The following COBL variants were observed in gnomAD, a reference collection of about 807,000 sequenced individuals.
COBL encodes protein cordon-bleu.
A neutral mutation model predicts 98.8 loss-of-function variants in COBL; 51 were observed. That is an observed-to-expected ratio of 0.52 (90% CI 0.41 to 0.65). The LOEUF is 0.65. Ranked by LOEUF, COBL falls within the 30% of genes least tolerant of loss-of-function variation. The pLI is 0.00. For synonymous variants in COBL, 634 were observed against 651.7 expected, an observed-to-expected ratio of 0.97 and a Z score of 0.41; for missense variants, 1,617 against 1,617.5, an observed-to-expected ratio of 1.00 and a Z score of 0.01.
chr7:51,100,767 G>T (rs898410246), intron 6 of COBL, among the ~76,000 whole-genome samples: 11 of 152,202 alleles, frequency 7.2e-5, no homozygotes, highest in Non-Finnish European at 1.5e-4. Context: ...TCAGGGCATG[G>T]TGGCCCACAC....
intron 1 of COBL, among the ~76,000 whole-genome samples, chr7:51,312,849 A>T (rs1031346017): frequency 6.6e-6 from 1 of 152,230 alleles, no homozygotes; most frequent in African/African-American, 2.4e-5. Flanking sequence ...CCTTTGTAAC[A>T]AATTTTAATC....
At chr7:51,092,175 A>T (rs926017283) in intron 6 of COBL, among the ~76,000 whole-genome samples, 1 of 152,182 alleles carries the variant, frequency 6.6e-6, no homozygotes, top group Non-Finnish European at 1.5e-5. Flanking sequence ...ATGGGAATCT[A>T]ATGTCTGATG....
chr7:51,123,085 C>G (rs1797891993), intron 6 of COBL, among the ~76,000 whole-genome samples: 1 of 152,092 alleles, frequency 6.6e-6, no homozygotes, highest in Non-Finnish European at 1.5e-5. Context: ...TATTTGTTGT[C>G]CCTATCAAGA....
At position 51,171,137 on chromosome 7, in the gene COBL, C is replaced by A. The variant is rs142844688; in HGVS notation, c.783+12965G>T. Among the ~76,000 whole-genome samples, 621 of 152,132 alleles carry A rather than the reference C, an allele frequency of 4.1e-3. 3 individuals are homozygous for A. Among genetic ancestry groups the A allele is most frequent in the Non-Finnish European group, 7.1e-3 (481 of 67,964 alleles). ...AAAAGAGTGCCTATGAGCAAAAGAGCCTTAAGTATAATTGTCATTTTATAA... is the reference window on the plus strand; with the variant it reads ...AAAAGAGTGCCTATGAGCAAAAGAGACTTAAGTATAATTGTCATTTTATAA... On this transcript the variant is annotated intron_variant, in intron 5 of 12. Coordinates refer to ENST00000265136, the MANE Select transcript of COBL (RefSeq NM_015198.5).
chr7:51,135,814 G>C (rs1300883382), intron 6 of COBL, among the ~76,000 whole-genome samples: 2 of 152,216 alleles, frequency 1.3e-5, no homozygotes, highest in Non-Finnish European at 2.9e-5. Flanking sequence ...TCCACAGGAA[G>C]CTGGGATGCA....
intron 1 of COBL, among the ~76,000 whole-genome samples, chr7:51,305,006 C>T (rs185967280): frequency 1.5e-4 from 23 of 152,232 alleles, no homozygotes; most frequent in African/African-American, 5.1e-4. Context: ...CAGAGCATAG[C>T]CCCCGCCCCT....
Position 51,316,758 on chromosome 7 carries a change from G to GGCGGAGGACAGCGGCGGAGC in COBL, c.-145_-126dup. The GGCGGAGGACAGCGGCGGAGC allele has an allele frequency of 1.3e-6, 1 of 758,860 alleles. No individual in the cohort carries two copies. The allele number at this position is 758,860 out of a possible 1,614,324, so 47.0% of individuals were successfully genotyped here. On this transcript the variant is annotated 5_prime_UTR_variant, in exon 1 of 13. Transcript: ENST00000265136. Reference sequence around the variant, plus strand: ...GACCCATCGTCCTCCCACGCGGGCCGGCGGAGGACAGCGGCGGAGCGCGGC... The same window carrying GGCGGAGGACAGCGGCGGAGC: ...GACCCATCGTCCTCCCACGCGGGCCGGCGGAGGACAGCGGCGGAGCGCGGAGGACAGCGGCGGAGCGCGGC...
intron 1 of COBL, among the ~76,000 whole-genome samples, chr7:51,236,048 A>T (rs77832433): frequency 3.9e-5 from 6 of 152,326 alleles, no homozygotes; most frequent in Non-Finnish European, 8.8e-5. Flanking sequence ...TTACGTAAGC[A>T]GGGGCCTGGG....
Position 51,043,531 on chromosome 7 carries a change from C to A in COBL, c.1258G>T (p.Asp420Tyr). 2 of 1,614,206 alleles carry A rather than the reference C, an allele frequency of 1.2e-6. No homozygotes were observed. Among genetic ancestry groups the A allele is most frequent in the Non-Finnish European group, 1.7e-6 (2 of 1,180,034 alleles). ...TATTTCATGCTGTCCTGCTGCGAGT[C>A]CAGAGAGACGATGTCTGAGGGGGAA... ...MSSPSDIVSL[D>Y]SQQDSMKYKD... The change falls in exon 8 of 13, where the codon GAC becomes TAC. Residue 420 changes from aspartate to tyrosine, a missense_variant. Asp to Tyr is a radical substitution (Grantham distance 160). This residue lies in a region of COBL where 1,304 missense variants were observed against 1,282.0 expected (regional missense o/e 1.02). Transcript: ENST00000265136.
rs902076360 is a variant in COBL at position 51,189,315 on chromosome 7, T to C, written c.685+1535A>G. Among the ~76,000 whole-genome samples, 7 of 152,164 alleles carry C rather than the reference T, an allele frequency of 4.6e-5. No homozygotes were observed. The East Asian group carries it at 7.7e-4, about 17-fold the overall frequency. On this transcript the variant is annotated intron_variant, in intron 4 of 12. Coordinates refer to ENST00000265136, the MANE Select transcript of COBL (RefSeq NM_015198.5). ...CTGGACAGAGATTCCACTATGATCA[T>C]GGATTTCACAATAAACTTGGTATTA... is the stretch of plus-strand genomic sequence containing the variant.
intron 5 of COBL, 42 bp from the exon 6 acceptor site, chr7:51,136,373 A>T: frequency 6.3e-7 from 1 of 1,576,306 alleles, no homozygotes; most frequent in Non-Finnish European, 8.6e-7. Flanking sequence ...TCAGTATGAG[A>T]TGACTTCTCC....
At chr7:51,024,488 CT>C (rs1008390993) in intron 12 of COBL, among the ~76,000 whole-genome samples, 1 of 152,126 alleles carries the variant, frequency 6.6e-6, no homozygotes, top group African/African-American at 2.4e-5. Context: ...CCAAGCAGCC[CT>C]TTAATCTAGG....
chr7:51,188,772 A>G (rs1789798998), intron 4 of COBL, among the ~76,000 whole-genome samples: 1 of 152,190 alleles, frequency 6.6e-6, no homozygotes, highest in African/African-American at 2.4e-5. Flanking sequence ...GCCCCTGACC[A>G]CATGAACACT....
intron 5 of COBL, among the ~76,000 whole-genome samples, chr7:51,182,665 G>T (rs114455093): frequency 6.6e-6 from 1 of 151,608 alleles, no homozygotes; most frequent in Non-Finnish European, 1.5e-5. Flanking sequence ...GGGGAAGAGA[G>T]GGGGAGAGGA....
At chr7:51,187,331 TACACACACACAC>T (rs1303777271) in intron 4 of COBL, among the ~76,000 whole-genome samples, 33 of 101,342 alleles carry the variant, frequency 3.3e-4, no homozygotes, top group Non-Finnish European at 5.3e-4. Flanking sequence ...TATATATATA[TACACACACACAC>T]ACACACACAC....
rs530859511 is a variant in COBL, at chr7:51,208,338, T to G, written c.245+11403A>C. ...GCAGCCACCCCGTCCAGGAGGGAGG[T>G]AGGGGGTCAGCCCCCCGCCAGGCCA... On this transcript the variant is annotated intron_variant, in intron 2 of 12. Coordinates refer to ENST00000265136, the MANE Select transcript of COBL (RefSeq NM_015198.5). Among the ~76,000 whole-genome samples, 777 of 136,822 alleles carry G rather than the reference T, an allele frequency of 5.7e-3. 4 individuals are homozygous for G. Among genetic ancestry groups the G allele is most frequent in the Non-Finnish European group, 6.9e-3 (445 of 64,934 alleles). 89.8% of individuals were successfully genotyped at this position (136,822 alleles called of 152,430 possible). A position where few individuals can be genotyped will look rare whatever the true frequency, so the allele number is the denominator to read the frequency against.
chr7:51,309,363 T>A (rs1288612012), intron 1 of COBL, among the ~76,000 whole-genome samples: 1 of 152,138 alleles, frequency 6.6e-6, no homozygotes, highest in African/African-American at 2.4e-5. Flanking sequence ...CTGGGAACGC[T>A]GCACCCCAAC....
intron 12 of COBL, chr7:51,022,811 C>G (rs1217546807): frequency 3.9e-5 from 6 of 152,328 alleles, no homozygotes; most frequent in Non-Finnish European, 5.9e-5. Context: ...ATGGCCTTCA[C>G]AGGATCCCAG....
intron 1 of COBL, among the ~76,000 whole-genome samples, chr7:51,241,985 C>T (rs1795834917): frequency 6.6e-6 from 1 of 152,100 alleles, no homozygotes; most frequent in Non-Finnish European, 1.5e-5. Context: ...ACAAAAAGAC[C>T]AGAGGCTACT....
Sources: allele counts gnomAD v4.1 joint callset (sites outside exome capture counted in the v4.1 genomes callset), GRCh38; gene constraint gnomAD v4.1.1; regional missense constraint gnomAD v4.1.1; transcripts MANE v1.5; gene names NCBI Gene and HGNC (gene_info 2026-07-23, HGNC 2026-07-21).